Variants in DLC1 observed in about 807,000 individuals in gnomAD.
DLC1 encodes the protein DLC1 Rho GTPase activating protein, also known as rho GTPase-activating protein 7.
DLC1 carries 54 observed loss-of-function variants against 140.3 expected under a neutral mutation model. The observed-to-expected ratio is 0.38, with a 90% CI of 0.31 to 0.48. The LOEUF (loss-of-function observed/expected upper bound fraction) is 0.48, where lower values mean the gene tolerates loss of function less well. Ranked by LOEUF, DLC1 falls within the 20% of genes least tolerant of loss-of-function variation. DLC1 has a pLI of 0.96. For missense variants in DLC1, 2,536 were observed against 1,907.0 expected (o/e 1.33, Z -6.14); for synonymous variants, 986 against 728.1 (o/e 1.35, Z -5.70).
At chr8:13,407,961 C>A (rs1435788298) in intron 2 of DLC1, among the ~76,000 whole-genome samples, 1 of 151,896 alleles carries the variant, frequency 6.6e-6, no homozygotes, top group Non-Finnish European at 1.5e-5. Context: ...AAATAATATC[C>A]TGTTTTAAAA....
chr8:13,602,965 G>A (rs1314430444), intron 1 of DLC1, among the ~76,000 whole-genome samples: 2 of 151,778 alleles, frequency 1.3e-5, no homozygotes, highest in Non-Finnish European at 2.9e-5. Context: ...CTTTGTGCTG[G>A]GTTGAAAACT....
chr8:13,276,391 G>T lies in DLC1; in HGVS notation c.1348+28878C>A, dbSNP rs772565744. 9 of 1,499,456 alleles carry T rather than the reference G, an allele frequency of 6.0e-6. No individual in the cohort carries two copies. The South Asian group carries it at 1.1e-4, about 18-fold the overall frequency. 92.9% of individuals were successfully genotyped at this position (1,499,456 alleles called of 1,614,324 possible). A position where few individuals can be genotyped will look rare whatever the true frequency, so the allele number is the denominator to read the frequency against. On this transcript the variant is annotated intron_variant, in intron 5 of 17. Transcript: ENST00000276297. ...GGGCGCGCCATCACGTGGGCCTTGG[G>T]GTCCCCCATCCGCTCGCAGACGCCT...
intron 4 of DLC1, among the ~76,000 whole-genome samples, chr8:13,390,778 G>A (rs1289072814): frequency 1.3e-5 from 2 of 152,074 alleles, no homozygotes; most frequent in African/African-American, 4.8e-5. Context: ...ATGAGGTTAG[G>A]AGATCAAGAC....
At chr8:13,376,678 T>C (rs922922510) in intron 4 of DLC1, among the ~76,000 whole-genome samples, 4 of 152,200 alleles carry the variant, frequency 2.6e-5, no homozygotes, top group Non-Finnish European at 5.9e-5. Context: ...ATTATCAGTA[T>C]AGTTTGTGTC....
intron 5 of DLC1, among the ~76,000 whole-genome samples, chr8:13,299,841 C>G (rs1328472688): frequency 6.6e-6 from 1 of 152,116 alleles, no homozygotes; most frequent in African/African-American, 2.4e-5. Context: ...GAGAAGTCAA[C>G]AGTGACTCCC....
intron 5 of DLC1, among the ~76,000 whole-genome samples, chr8:13,139,497 T>C (rs1822816550): frequency 6.6e-6 from 1 of 152,074 alleles, no homozygotes; most frequent in Non-Finnish European, 1.5e-5. Flanking sequence ...AAAATAAACA[T>C]GAAGAGGGCA....
At chr8:13,086,034 C>G in intron 17 of DLC1, 103 bp from the exon 18 acceptor site, 1 of 1,508,664 alleles carries the variant, frequency 6.6e-7, no homozygotes, top group Non-Finnish European at 8.9e-7. Flanking sequence ...TAAAATCTAT[C>G]ATTTCCCATG....
chr8:13,310,429 A>T (rs560559757), intron 4 of DLC1, among the ~76,000 whole-genome samples: 1 of 152,350 alleles, frequency 6.6e-6, no homozygotes, highest in African/African-American at 2.4e-5. Flanking sequence ...AATTGCAGAT[A>T]AATTCCAAAA....
At chr8:13,560,796 C>T (rs1179876989) in intron 1 of DLC1, among the ~76,000 whole-genome samples, 2 of 151,854 alleles carry the variant, frequency 1.3e-5, no homozygotes, top group African/African-American at 4.8e-5. Context: ...GAAATTTGGG[C>T]ACAGAGACAG....
chr8:13,175,121 C>T (rs1253960054), intron 5 of DLC1, among the ~76,000 whole-genome samples: 1 of 152,152 alleles, frequency 6.6e-6, no homozygotes, highest in Non-Finnish European at 1.5e-5. Context: ...CAGAGAGTCC[C>T]TATCCCAATT....
At chr8:13,199,942 G>A (rs1382767195) in intron 5 of DLC1, among the ~76,000 whole-genome samples, 1 of 152,072 alleles carries the variant, frequency 6.6e-6, no homozygotes, top group Admixed American at 6.5e-5. Context: ...AAATTCTAAT[G>A]GCCTGCATGT....
chr8:13,337,330 A>C (rs946297884), intron 4 of DLC1, among the ~76,000 whole-genome samples: 1 of 152,232 alleles, frequency 6.6e-6, no homozygotes, highest in African/African-American at 2.4e-5. Context: ...ATTACTAATT[A>C]TCTGTCCGAT....
At chr8:13,413,955 A>G (rs1027355852) in intron 2 of DLC1, among the ~76,000 whole-genome samples, 4 of 152,142 alleles carry the variant, frequency 2.6e-5, no homozygotes, top group African/African-American at 9.6e-5. Context: ...AAAGAAACCT[A>G]CATGTTACAG....
At chr8:13,359,349 G>T (rs189193901) in intron 4 of DLC1, among the ~76,000 whole-genome samples, 3 of 152,176 alleles carry the variant, frequency 2.0e-5, no homozygotes, top group Non-Finnish European at 4.4e-5. Context: ...TGGCTTTGTT[G>T]GGTAATGTTA....
chr8:13,275,510 T>A (rs1156621393), intron 5 of DLC1, among the ~76,000 whole-genome samples: 3 of 152,178 alleles, frequency 2.0e-5, no homozygotes, highest in Non-Finnish European at 4.4e-5. Context: ...ATAAACGCTA[T>A]TGGGAAACCC....
chr8:13,399,315 T>C (rs1178698506), intron 3 of DLC1, among the ~76,000 whole-genome samples: 1 of 152,190 alleles, frequency 6.6e-6, no homozygotes, highest in Non-Finnish European at 1.5e-5. Context: ...GTTTCTAATG[T>C]AGCAGAATGA....
At chr8:13,317,301 C>G (rs1003577740) in intron 4 of DLC1, among the ~76,000 whole-genome samples, 1 of 152,166 alleles carries the variant, frequency 6.6e-6, no homozygotes, top group Non-Finnish European at 1.5e-5. Flanking sequence ...AGTGTCCAGA[C>G]TGAATTGCTT....
intron 1 of DLC1, among the ~76,000 whole-genome samples, chr8:13,550,455 C>T (rs1243150898): frequency 2.0e-5 from 3 of 152,022 alleles, no homozygotes; most frequent in Non-Finnish European, 2.9e-5. Flanking sequence ...AAGACTAATA[C>T]AGAATTTTTG....
chr8:13,352,867 T>C (rs1484323410), intron 4 of DLC1, among the ~76,000 whole-genome samples: 1 of 151,986 alleles, frequency 6.6e-6, no homozygotes, highest in Non-Finnish European at 1.5e-5. Flanking sequence ...GGAACACGAG[T>C]ATTTTAAAAT....
Sources: gnomAD v4.1 joint callset for allele counts (sites outside exome capture counted in the v4.1 genomes callset) on GRCh38, gnomAD v4.1.1 for gene constraint, MANE v1.5 for transcripts, NCBI Gene and HGNC (gene_info 2026-07-23, HGNC 2026-07-21) for gene names.